Variants in MARCHF1 observed in about 807,000 individuals in gnomAD.
MARCHF1 encodes E3 ubiquitin-protein ligase MARCHF1.
MARCHF1 carries 40 observed loss-of-function variants against 54.2 expected under a neutral mutation model. That is an observed-to-expected ratio of 0.74 (90% CI 0.57 to 0.96). The LOEUF (loss-of-function observed/expected upper bound fraction) is 0.96. Among genes scored for constraint, MARCHF1 ranks in the 40% least tolerant of loss-of-function variants. MARCHF1 has a pLI of 0.00. For synonymous variants in MARCHF1, 236 were observed against 236.3 expected, an observed-to-expected ratio of 1.00 and a Z score of 0.01; for missense variants, 586 against 656.5, an observed-to-expected ratio of 0.89 and a Z score of 1.17.
chr4:164,245,651 A>T (rs1189339850), intron 1 of MARCHF1, among the ~76,000 whole-genome samples: 1 of 152,010 alleles, frequency 6.6e-6, no homozygotes, highest in Non-Finnish European at 1.5e-5. Context: ...GAAAAGAGGA[A>T]GTCAAATTGT....
At position 163,544,734 on chromosome 4, in the gene MARCHF1, C is replaced by T. The variant is rs553456245; in HGVS notation, c.1339+862G>A. Among the ~76,000 whole-genome samples, 335 of 152,136 alleles carry T rather than the reference C, an allele frequency of 2.2e-3. 1 individual carries two copies. The highest frequency in any genetic ancestry group is 7.4e-3 in the African/African-American group (306 of 41,486). ...TCTTTTTTTGTTCTTTCATTTTCTTCCATTTTTTCTCTGGGTGTAGGGATG... is the reference window on the plus strand; with the variant it reads ...TCTTTTTTTGTTCTTTCATTTTCTTTCATTTTTTCTCTGGGTGTAGGGATG... On this transcript the variant is annotated intron_variant, in intron 9 of 9. Transcript: ENST00000514618.
chr4:163,869,775 T>G (rs1175799587), intron 3 of MARCHF1, among the ~76,000 whole-genome samples: 1 of 152,088 alleles, frequency 6.6e-6, no homozygotes, highest in Non-Finnish European at 1.5e-5. Context: ...TATTTATGAA[T>G]CTCCTCACAA....
intron 1 of MARCHF1, among the ~76,000 whole-genome samples, chr4:164,381,975 C>G (rs1252744307): frequency 6.6e-6 from 1 of 152,168 alleles, no homozygotes; most frequent in Non-Finnish European, 1.5e-5. Context: ...TGGATTAAAA[C>G]AAGCTCTTTG....
At chr4:163,627,840 GT>G (rs34222443) in intron 5 of MARCHF1, among the ~76,000 whole-genome samples, 1,842 of 149,708 alleles carry the variant, frequency 0.012, 31 homozygotes, top group African/African-American at 0.041. Flanking sequence ...AAAGGAATAT[GT>G]TTTTTTTTTA....
chr4:163,562,731 C>G (rs1739512231), intron 8 of MARCHF1, among the ~76,000 whole-genome samples: 1 of 152,214 alleles, frequency 6.6e-6, no homozygotes, highest in South Asian at 2.1e-4. Flanking sequence ...GGTTGGCTCA[C>G]AGTCATCCCA....
rs1291331631 is a variant in MARCHF1, at chr4:164,352,707, C to T, written c.-323+31163G>A. ...GCTAGGAAGAAACTGCATCAACTAA[C>T]GAGCAAAATAACCAGCTAACATCAT... On this transcript the variant is annotated intron_variant, in intron 1 of 9. Coordinates refer to ENST00000514618, the MANE Select transcript of MARCHF1 (RefSeq NM_001394959.1). Among the ~76,000 whole-genome samples, 508 of 148,302 alleles carry T rather than the reference C, an allele frequency of 3.4e-3. 2 individuals are homozygous for T. Among genetic ancestry groups the T allele is most frequent in the African/African-American group, 0.012 (478 of 40,668 alleles).
At chr4:163,580,059 TTTA>T (rs1740174537) in intron 8 of MARCHF1, among the ~76,000 whole-genome samples, 2 of 142,682 alleles carry the variant, frequency 1.4e-5, no homozygotes, top group South Asian at 4.5e-4. Flanking sequence ...TAGAGCCTTA[TTTA>T]TTATTTATTT....
intron 4 of MARCHF1, among the ~76,000 whole-genome samples, chr4:163,705,414 A>T (rs1744921416): frequency 6.6e-6 from 1 of 151,924 alleles, no homozygotes; most frequent in Non-Finnish European, 1.5e-5. Flanking sequence ...AAATGTTAAA[A>T]ATTAGTGTAT....
chr4:163,708,087 T>C (rs1745001798), intron 4 of MARCHF1, among the ~76,000 whole-genome samples: 2 of 151,718 alleles, frequency 1.3e-5, no homozygotes, highest in Admixed American at 1.3e-4. Flanking sequence ...CCCTGGGAGT[T>C]AGTTGCAATC....
intron 5 of MARCHF1, among the ~76,000 whole-genome samples, chr4:163,634,663 C>A (rs1338174431): frequency 6.6e-6 from 1 of 151,878 alleles, no homozygotes; most frequent in South Asian, 2.1e-4. Flanking sequence ...CTTTAACACC[C>A]CACTGTCAAC....
At chr4:164,329,089 T>C (rs1424098937) in intron 1 of MARCHF1, among the ~76,000 whole-genome samples, 4 of 152,302 alleles carry the variant, frequency 2.6e-5, no homozygotes, top group African/African-American at 9.6e-5. Flanking sequence ...GAGAAGGAAC[T>C]TTTCACCCCA....
intron 4 of MARCHF1, among the ~76,000 whole-genome samples, chr4:163,731,018 T>C (rs1168480769): frequency 2.0e-5 from 3 of 152,178 alleles, no homozygotes; most frequent in Non-Finnish European, 1.5e-5. Context: ...TATATACTTA[T>C]TTGTGGAATG....
At chr4:164,125,022 G>A (rs1406726265) in intron 1 of MARCHF1, among the ~76,000 whole-genome samples, 1 of 152,036 alleles carries the variant, frequency 6.6e-6, no homozygotes, top group Admixed American at 6.6e-5. Context: ...TTGCATGCCT[G>A]TATTACATGT....
intron 4 of MARCHF1, among the ~76,000 whole-genome samples, chr4:163,815,836 T>G (rs1748517902): frequency 6.6e-6 from 1 of 152,184 alleles, no homozygotes; most frequent in African/African-American, 2.4e-5. Context: ...GCTTAATAAT[T>G]AATACAGAAA....
intron 1 of MARCHF1, among the ~76,000 whole-genome samples, chr4:164,371,772 A>G (rs1459671271): frequency 6.6e-6 from 1 of 152,214 alleles, no homozygotes. Context: ...GGAAAGATAG[A>G]TCTCTAAAGA....
At chr4:163,614,787 A>C (rs996267089) in intron 5 of MARCHF1, among the ~76,000 whole-genome samples, 50 of 152,198 alleles carry the variant, frequency 3.3e-4, no homozygotes, top group Non-Finnish European at 3.8e-4. Context: ...ATTTATGCAA[A>C]TTATACTGGT....
chr4:164,365,468 G>A (rs1487134508), intron 1 of MARCHF1, among the ~76,000 whole-genome samples: 2 of 152,002 alleles, frequency 1.3e-5, no homozygotes, highest in Non-Finnish European at 2.9e-5. Context: ...ACTGTAGATT[G>A]TGTTAAGAAA....
chr4:163,994,572 T>C (rs532569720), intron 2 of MARCHF1, among the ~76,000 whole-genome samples: 1 of 151,908 alleles, frequency 6.6e-6, no homozygotes, highest in Middle Eastern at 3.4e-3. Context: ...AGTATAATAA[T>C]AATAACATTT....
intron 2 of MARCHF1, among the ~76,000 whole-genome samples, chr4:164,098,758 C>G (rs2111150351): frequency 6.6e-6 from 1 of 152,264 alleles, no homozygotes; most frequent in Non-Finnish European, 1.5e-5. Context: ...TTTTGGCTGT[C>G]TTTATGCAAT....
Sources: allele counts gnomAD v4.1 joint callset (sites outside exome capture counted in the v4.1 genomes callset), GRCh38; gene constraint gnomAD v4.1.1; transcripts MANE v1.5; gene names NCBI Gene and HGNC (gene_info 2026-07-23, HGNC 2026-07-21).